CACNA2D4: variants seen among roughly 807,000 people sequenced by gnomAD.
The protein encoded by CACNA2D4 is voltage-dependent calcium channel subunit alpha-2/delta-4.
In CACNA2D4, 157 loss-of-function variants were observed where a neutral mutation model predicts 163.8. That is an observed-to-expected ratio of 0.96 (90% CI 0.84 to 1.09). The LOEUF (loss-of-function observed/expected upper bound fraction) is 1.09. Among genes scored for constraint, CACNA2D4 ranks in the 50% least tolerant of loss-of-function variants. CACNA2D4 has a pLI of 0.00. For synonymous variants in CACNA2D4, 598 were observed against 586.9 expected (o/e 1.02, Z -0.27); for missense variants, 1,410 against 1,479.9 (o/e 0.95, Z 0.78).
At position 1,878,490 on chromosome 12, in the gene CACNA2D4, G is replaced by C; in HGVS notation, c.1645-101C>G. 1 of 1,546,714 alleles carries C rather than the reference G, an allele frequency of 6.5e-7. No individual in the cohort carries two copies. Among genetic ancestry groups the C allele is most frequent in the South Asian group, 1.2e-5 (1 of 83,818 alleles). On this transcript the variant is annotated intron_variant, in intron 15 of 37. Transcript: ENST00000382722. The surrounding 1 kb of genome is among the most constrained non-coding windows in gnomAD (Gnocchi z 4.6). ...GGCCACAGGACGGTCAAAGATGGCAGCTCACAGCAGTGAGTGTTTTCAATA... is the reference window on the plus strand; with the variant it reads ...GGCCACAGGACGGTCAAAGATGGCACCTCACAGCAGTGAGTGTTTTCAATA...
At chr12:1,854,095 G>T in intron 22 of CACNA2D4, 51 bp from the exon 23 acceptor site, 1 of 1,343,078 alleles carries the variant, frequency 7.4e-7, no homozygotes, top group Non-Finnish European at 1.0e-6. Context: ...CCATGCTCAT[G>T]AACACAACTC....
intron 19 of CACNA2D4, among the ~76,000 whole-genome samples, chr12:1,859,832 A>T (rs918385103): frequency 6.6e-6 from 1 of 152,232 alleles, no homozygotes. Context: ...TGGCTGCTGG[A>T]CGCTGATGAG....
chr12:1,913,047 CA>C lies in CACNA2D4; in HGVS notation c.401del (p.Leu134ArgfsTer20). On this transcript the variant is annotated frameshift_variant, in exon 3 of 38. Transcript: ENST00000382722. LOFTEE classifies it high-confidence loss of function. ...CCTGGACCGCCTCGACTTTCCTCCG[CA>C]GCATGTTCTCCATGTCCTCTGAGAA... Reference protein sequence around the residue: ...RKFSEDMENMLRRKVEAVQNL... With the variant: ...RKFSEDMENMXRRKVEAVQNL... The C allele has an allele frequency of 4.3e-6, 7 of 1,613,526 alleles. No homozygotes were observed. The highest frequency in any genetic ancestry group is 5.9e-6 in the Non-Finnish European group (7 of 1,179,468).
At chr12:1,795,516 G>C in intron 36 of CACNA2D4, 135 bp from the exon 37 acceptor site, 2 of 975,834 alleles carry the variant, frequency 2.0e-6, no homozygotes, top group Non-Finnish European at 3.2e-6. Context: ...GCAGCACCGG[G>C]GCCCAGGGAA....
In CACNA2D4 at chr12:1,878,692, G is replaced by A. The variant is rs1293797823; in HGVS notation, c.1644+264C>T. On this transcript the variant is annotated intron_variant, in intron 15 of 37. Coordinates refer to ENST00000382722, the MANE Select transcript of CACNA2D4 (RefSeq NM_172364.5). The surrounding 1 kb of genome is among the most constrained non-coding windows in gnomAD (Gnocchi z 4.6). Reference sequence around the variant, plus strand: ...CCCTTACAGCAGGACTGTGTGGCACGGAGGAGCAGACTGAGAAACTGAGAC... The same window carrying A: ...CCCTTACAGCAGGACTGTGTGGCACAGAGGAGCAGACTGAGAAACTGAGAC... Among the ~76,000 whole-genome samples, 1 of 152,164 alleles carries A rather than the reference G, an allele frequency of 6.6e-6. No homozygotes were observed. The highest frequency in any genetic ancestry group is 1.5e-5 in the Non-Finnish European group (1 of 68,030).
chr12:1,907,379 C>T, intron 6 of CACNA2D4, 61 bp downstream of exon 6: 3 of 461,208 alleles, frequency 6.5e-6, no homozygotes, highest in Admixed American at 5.4e-5. Context: ...ATCTTCAGTG[C>T]CCCTATTATT....
Position 1,874,603 on chromosome 12 carries a change from C to T in CACNA2D4, c.1878+1G>A. The stretch of plus-strand genomic sequence containing the variant: ...TGCCCTGGCTGTTTCTAGCTCCTTA[C>T]CCCTTTATCCATCGGAACCTTCACA... On this transcript the variant is annotated splice_donor_variant, in intron 18 of 37. Transcript: ENST00000382722. LOFTEE classifies it high-confidence loss of function. The surrounding 1 kb of genome is among the most constrained non-coding windows in gnomAD (Gnocchi z 4.4). 14 of 1,607,300 alleles carry T rather than the reference C, an allele frequency of 8.7e-6. No individual in the cohort carries two copies. The highest frequency in any genetic ancestry group is 1.2e-5 in the Non-Finnish European group (14 of 1,173,872).
At chr12:1,853,891 C>T (rs1228930991) in intron 23 of CACNA2D4, 60 bp downstream of exon 23, 4 of 1,395,630 alleles carry the variant, frequency 2.9e-6, no homozygotes, top group South Asian at 1.2e-5. Context: ...GGGGTCCCAA[C>T]TTAGCCAAGG....
chr12:1,824,607 T>C (rs1305562943), intron 26 of CACNA2D4, among the ~76,000 whole-genome samples: 1 of 152,182 alleles, frequency 6.6e-6, no homozygotes, highest in Non-Finnish European at 1.5e-5. Flanking sequence ...AGACAGGAGA[T>C]CTCGCTGTCC....
intron 6 of CACNA2D4, among the ~76,000 whole-genome samples, chr12:1,901,153 T>A (rs1345518124): frequency 1.3e-5 from 2 of 151,932 alleles, no homozygotes; most frequent in Non-Finnish European, 2.9e-5. Flanking sequence ...TTGAAACAAA[T>A]GATAATGGAA....
intron 26 of CACNA2D4, among the ~76,000 whole-genome samples, chr12:1,837,285 T>TGGATGCTGGCGG (rs1864899137): frequency 6.6e-6 from 1 of 152,148 alleles, no homozygotes; most frequent in Non-Finnish European, 1.5e-5. Flanking sequence ...TCAGCCTCAC[T>TGGATGCTGGCGG]GGATGCTGGC....
chr12:1,914,828 G>A (rs1202544653), intron 2 of CACNA2D4, 26 bp downstream of exon 2: 1 of 1,562,092 alleles, frequency 6.4e-7, no homozygotes, highest in Admixed American at 1.7e-5. Context: ...GCCACCCGGT[G>A]GGCTCTCTGG....
intron 26 of CACNA2D4, among the ~76,000 whole-genome samples, chr12:1,825,421 G>C (rs1220720083): frequency 6.6e-6 from 1 of 152,220 alleles, no homozygotes; most frequent in Admixed American, 6.5e-5. Context: ...CCTGGGCAGA[G>C]GAGGTGTCTT....
At chr12:1,914,960 G>A (rs766451574) in intron 1 of CACNA2D4, 25 bp from the exon 2 acceptor site, 24 of 1,535,500 alleles carry the variant, frequency 1.6e-5, no homozygotes, top group Non-Finnish European at 2.0e-5. Flanking sequence ...AAGGACACGC[G>A]TATACACACA....
chr12:1,891,779 T>G (rs1167785393), intron 6 of CACNA2D4, among the ~76,000 whole-genome samples: 2 of 151,986 alleles, frequency 1.3e-5, no homozygotes, highest in Non-Finnish European at 2.9e-5. Flanking sequence ...ATTCATTAAA[T>G]GAAATACAAA....
chr12:1,856,488 G>T (rs190033017), intron 20 of CACNA2D4, among the ~76,000 whole-genome samples: 4 of 152,348 alleles, frequency 2.6e-5, no homozygotes, highest in South Asian at 2.1e-4. Flanking sequence ...TCAATGAGCT[G>T]CCCAGCCAGT....
rs374330566 is a variant in CACNA2D4, at chr12:1,798,663, G to C, written c.2995+1012C>G. On this transcript the variant is annotated intron_variant, in intron 34 of 37. Coordinates refer to ENST00000382722, the MANE Select transcript of CACNA2D4 (RefSeq NM_172364.5). The surrounding 1 kb of genome is among the most constrained non-coding windows in gnomAD (Gnocchi z 4.3). ...CCAAGTCCAGTGCGCCTTCACTGGG[G>C]ACACTGACATCTGTGTAGGCCAGAC... 8.1e-4 allele frequency among the ~76,000 whole-genome samples: 123 copies of C among 152,322 alleles called. 1 individual carries two copies. The South Asian group carries it at 0.024, about 30-fold the overall frequency.
At chr12:1,911,461 T>C (rs1219415676) in intron 3 of CACNA2D4, among the ~76,000 whole-genome samples, 2 of 152,084 alleles carry the variant, frequency 1.3e-5, no homozygotes, top group Non-Finnish European at 2.9e-5. Context: ...TCTCTGGTCC[T>C]CTGCTTGCAC....
intron 11 of CACNA2D4, 127 bp from the exon 12 acceptor site, chr12:1,884,448 C>A: frequency 2.6e-6 from 2 of 755,558 alleles, no homozygotes; most frequent in Non-Finnish European, 2.3e-6. Context: ...CAATTTCACC[C>A]CCTGAGGCCC....
Sources: allele counts gnomAD v4.1 joint callset (sites outside exome capture counted in the v4.1 genomes callset), GRCh38; gene constraint gnomAD v4.1.1; non-coding constraint Gnocchi (gnomAD v3.1); transcripts MANE v1.5; gene names NCBI Gene and HGNC (gene_info 2026-07-23, HGNC 2026-07-21).